TWF1: variants seen among roughly 807,000 people sequenced by gnomAD.
TWF1 encodes twinfilin-1.
Under a neutral mutation model 47.9 loss-of-function variants are expected in TWF1, and 14 were observed. The observed-to-expected ratio is 0.29, with a 90% confidence interval of 0.19 to 0.46. The LOEUF (loss-of-function observed/expected upper bound fraction) is 0.46, where lower values mean the gene tolerates loss of function less well. Among genes scored for constraint, TWF1 ranks in the 20% least tolerant of loss-of-function variants. The pLI, the probability that TWF1 is intolerant of heterozygous loss-of-function variation, is 1.00. For missense variants in TWF1, 281 were observed against 409.3 expected, an observed-to-expected ratio of 0.69 and a Z score of 2.70; for synonymous variants, 96 against 139.2, an observed-to-expected ratio of 0.69 and a Z score of 2.18.
intron 2 of TWF1, 192 bp downstream of exon 2, chr12:43,804,303 T>C (rs532521583): frequency 2.2e-4 from 126 of 585,564 alleles, no homozygotes; most frequent in African/African-American, 2.0e-3. Flanking sequence ...GTTTCCCTGA[T>C]AGTCACATAA....
At chr12:43,798,433 T>C (rs1020402444) in intron 5 of TWF1, 10 of 778,896 alleles carry the variant, frequency 1.3e-5, no homozygotes, top group Middle Eastern at 3.2e-4. Flanking sequence ...TGATAGCTAG[T>C]AGAGAGTCTC....
At position 43,800,501 on chromosome 12, in the gene TWF1, T is replaced by C. The variant is rs564670019; in HGVS notation, c.312A>G (p.Thr104=). 5.6e-6 allele frequency: 9 copies of C among 1,613,890 alleles called. No individual in the cohort carries two copies. The highest frequency in any genetic ancestry group is 7.6e-6 in the Non-Finnish European group (9 of 1,179,932). Reference sequence around the variant, plus strand: ...CAAATTCCTTCTTCAGAGTTGCTCTTGTTGCTGCATACAACATTTTTTGAC... The same window carrying C: ...CAAATTCCTTCTTCAGAGTTGCTCTCGTTGCTGCATACAACATTTTTTGAC... ...HVRQKMLYAA[T]RATLKKEFGG... The change falls in exon 4 of 9, where the codon ACA becomes ACG. Residue 104 remains threonine (T), a synonymous_variant. Transcript: ENST00000395510.
intron 8 of TWF1, among the ~76,000 whole-genome samples, chr12:43,796,528 C>T (rs974482891): frequency 1.3e-5 from 2 of 152,048 alleles, no homozygotes; most frequent in Non-Finnish European, 2.9e-5. Context: ...GACTCCCAAC[C>T]ATCCCATAAT....
At chr12:43,805,731 G>A in intron 1 of TWF1, 1 of 1,193,902 alleles carries the variant, frequency 8.4e-7, no homozygotes, top group Non-Finnish European at 1.1e-6. Context: ...GGAGAGTTTT[G>A]GGAAGCACCC....
chr12:43,798,449 C>T, intron 5 of TWF1: 1 of 949,232 alleles, frequency 1.1e-6, no homozygotes, highest in Non-Finnish European at 1.5e-6. Flanking sequence ...GTCTCATTCG[C>T]AGTGTTGCAA....
intron 1 of TWF1, chr12:43,805,497 T>C (rs927476784): frequency 2.2e-6 from 1 of 455,614 alleles, no homozygotes; most frequent in East Asian, 7.0e-5. Context: ...CGGGGATATA[T>C]TATTTGACTC....
chr12:43,804,637 T>A, intron 1 of TWF1, 65 bp from the exon 2 acceptor site: 1 of 1,135,390 alleles, frequency 8.8e-7, no homozygotes. Flanking sequence ...CTATCTATAT[T>A]GGAAAAGTTA....
intron 4 of TWF1, 23 bp from the exon 5 acceptor site, chr12:43,799,525 A>G: frequency 7.3e-7 from 1 of 1,370,154 alleles, no homozygotes. Flanking sequence ...AATAGACTAT[A>G]ATCAGTAATT....
chr12:43,800,831 A>T (rs1453744063), intron 3 of TWF1, among the ~76,000 whole-genome samples: 1 of 152,120 alleles, frequency 6.6e-6, no homozygotes, highest in Non-Finnish European at 1.5e-5. Context: ...GCTCACTGCA[A>T]CCTCTGCCTC....
At chr12:43,805,846 G>C in intron 1 of TWF1, 1 of 1,406,090 alleles carries the variant, frequency 7.1e-7, no homozygotes, top group Non-Finnish European at 9.5e-7. Flanking sequence ...TCTCGACAGC[G>C]TACTGAAGCC....
chr12:43,804,958 C>T (rs565346279), intron 1 of TWF1, among the ~76,000 whole-genome samples: 1 of 152,310 alleles, frequency 6.6e-6, no homozygotes, highest in East Asian at 1.9e-4. Context: ...TTATGACAGA[C>T]ACTCCTTCAT....
At chr12:43,806,080 G>T (rs1185795973) in intron 1 of TWF1, 141 bp downstream of exon 1, 1 of 1,518,194 alleles carries the variant, frequency 6.6e-7, no homozygotes, top group East Asian at 2.5e-5. Context: ...AGCGCGGAGA[G>T]GCGCCGAGGC....
rs769588203 is a variant in TWF1, at chr12:43,797,359, G to T, written c.703C>A (p.Arg235Ser). 4 of 1,605,574 alleles carry T rather than the reference G, an allele frequency of 2.5e-6. No homozygotes were observed. In the East Asian group the frequency reaches 6.7e-5, roughly 27 times the overall value. ...TGTTTATACAGAAAGAAATGGTAAC[G>T]AGCTGAATCCTTGGGAATCCTCTTT... Reference protein sequence around the residue: ...LPKRIPKDSARYHFFLYKHSH... With the variant: ...LPKRIPKDSASYHFFLYKHSH... Residue 235 changes from arginine (R) to serine (S), a missense_variant, in exon 7 of 9, where the codon CGT becomes AGT. Physicochemically the swap from Arg to Ser is moderately radical, Grantham distance 110. Transcript: ENST00000395510.
Position 43,795,569 on chromosome 12 carries a change from G to A in TWF1, c.*16C>T, listed in dbSNP as rs761332163. 8.1e-6 allele frequency: 13 copies of A among 1,609,614 alleles called. No individual in the cohort carries two copies. Among genetic ancestry groups the A allele is most frequent in the Non-Finnish European group, 1.1e-5 (13 of 1,178,496 alleles). ...ACTTTTAAAAAACTAGTATTACAAT[G>A]TTTAATGTGATGACTTTAATCAGTA... On this transcript the variant is annotated 3_prime_UTR_variant, in exon 9 of 9. Coordinates refer to ENST00000395510, the MANE Select transcript of TWF1 (RefSeq NM_002822.5).
chr12:43,802,610 A>G (rs780497952), intron 2 of TWF1, 146 bp from the exon 3 acceptor site: 155 of 621,748 alleles, frequency 2.5e-4, no homozygotes, highest in Non-Finnish European at 4.0e-4. Context: ...GTGGTAACAT[A>G]GAAAGTAATT....
rs1008869723 is a variant in TWF1, at chr12:43,806,312, G to A, written c.-67C>T. ...CAGCGGCCCCGGCCGGCGGCCCCAGGAAGTGGCTGCTCCTCCGCCGGCCCC... is the reference window on the plus strand; with the variant it reads ...CAGCGGCCCCGGCCGGCGGCCCCAGAAAGTGGCTGCTCCTCCGCCGGCCCC... On this transcript the variant is annotated 5_prime_UTR_variant, in exon 1 of 9. Transcript: ENST00000395510. 7.8e-6 allele frequency: 11 copies of A among 1,412,574 alleles called. No homozygotes were observed. The highest frequency in any genetic ancestry group is 1.0e-5 in the Non-Finnish European group (11 of 1,084,074). 87.5% of individuals were successfully genotyped at this position (1,412,574 alleles called of 1,614,324 possible).
At chr12:43,801,076 A>T in intron 3 of TWF1, among the ~76,000 whole-genome samples, 1 of 152,168 alleles carries the variant, frequency 6.6e-6, no homozygotes, top group South Asian at 2.1e-4. Flanking sequence ...AAAAAAATAT[A>T]AATTGTTTAA....
chr12:43,805,520 G>C (rs770835689), intron 1 of TWF1: 1 of 456,336 alleles, frequency 2.2e-6, no homozygotes. Flanking sequence ...GATGAGGTGA[G>C]TACCTGCAGG....
rs115436909 is a variant in TWF1, at chr12:43,805,768, T to C, written c.25+453A>G. On this transcript the variant is annotated intron_variant, in intron 1 of 8. Coordinates refer to ENST00000395510, the MANE Select transcript of TWF1 (RefSeq NM_002822.5). ...TACTGATGTGAGAAAGATTCTGGCA[T>C]GGTTCTTTTTGTAATCAAAGTCCTG... The C allele has an allele frequency of 1.7e-3, 2,327 of 1,344,400 alleles. 22 individuals are homozygous for C. In the African/African-American group the frequency reaches 0.026, roughly 15 times the overall value. The allele number at this position is 1,344,400 out of a possible 1,614,324, so 83.3% of individuals were successfully genotyped here. A position where few individuals can be genotyped will look rare whatever the true frequency, so the allele number is the denominator to read the frequency against.
Sources: allele counts gnomAD v4.1 joint callset (sites outside exome capture counted in the v4.1 genomes callset), GRCh38; gene constraint gnomAD v4.1.1; transcripts MANE v1.5; gene names NCBI Gene and HGNC (gene_info 2026-07-23, HGNC 2026-07-21).